The following SMAD6 variants were observed in gnomAD, a reference collection of about 807,000 sequenced individuals.
SMAD6 encodes SMAD family member 6.
Under a neutral mutation model 39.4 loss-of-function variants are expected in SMAD6, and 103 were observed. The observed-to-expected ratio is 2.62, with a 90% confidence interval of 2.23 to 3.08. SMAD6 has a LOEUF of 3.08. Ranked by LOEUF, SMAD6 falls within the 30% of genes most tolerant of loss-of-function variation. SMAD6 has a pLI of 0.00. For missense variants in SMAD6, 1,104 were observed against 742.9 expected (o/e 1.49, Z -5.65); for synonymous variants, 445 against 353.3 (o/e 1.26, Z -2.91).
intron 3 of SMAD6, among the ~76,000 whole-genome samples, chr15:66,769,027 G>A (rs1894336395): frequency 6.6e-6 from 1 of 152,208 alleles, no homozygotes; most frequent in Non-Finnish European, 1.5e-5. Flanking sequence ...GCTTTCCAAA[G>A]GAAGTGACAG....
chr15:66,720,648 G>C (rs1893416340), intron 3 of SMAD6, among the ~76,000 whole-genome samples: 1 of 152,184 alleles, frequency 6.6e-6, no homozygotes, highest in Non-Finnish European at 1.5e-5. Flanking sequence ...TTTCTCACTT[G>C]TAAAATGAGG....
At position 66,728,785 on chromosome 15, in the gene SMAD6, A is replaced by G. The variant is rs145549166; in HGVS notation, c.952+12287A>G. On this transcript the variant is annotated intron_variant, in intron 3 of 3. Coordinates refer to ENST00000288840, the MANE Select transcript of SMAD6 (RefSeq NM_005585.5). Reference sequence around the variant, plus strand: ...TTCTGTGGGAATGGACTGTGATTCTACTAGTCTAACATATCCATTCTATTA... The same window carrying G: ...TTCTGTGGGAATGGACTGTGATTCTGCTAGTCTAACATATCCATTCTATTA... Among the ~76,000 whole-genome samples the G allele has an allele frequency of 9.2e-5, 14 of 152,284 alleles. No individual in the cohort carries two copies. In the South Asian group the frequency reaches 1.0e-3, roughly 11 times the overall value.
Position 66,781,785 on chromosome 15 carries a change from C to G in SMAD6, c.*250C>G. 2 of 399,310 alleles carry G rather than the reference C, an allele frequency of 5.0e-6. 1 individual carries two copies. Among genetic ancestry groups the G allele is most frequent in the Non-Finnish European group, 8.8e-6 (2 of 226,422 alleles). The allele number at this position is 399,310 out of a possible 1,614,324, so 24.7% of individuals were successfully genotyped here. ...GTATATGGACAAAACAAGAAAGACG[C>G]ACTTTGGCTTATAATTCTTTCAATA... On this transcript the variant is annotated 3_prime_UTR_variant, in exon 4 of 4. Coordinates refer to ENST00000288840, the MANE Select transcript of SMAD6 (RefSeq NM_005585.5).
At chr15:66,774,964 C>T (rs540389157) in intron 3 of SMAD6, among the ~76,000 whole-genome samples, 8 of 152,126 alleles carry the variant, frequency 5.3e-5, no homozygotes, top group Non-Finnish European at 8.8e-5. Flanking sequence ...CGGGTTCTAG[C>T]GATTCTCTGC....
chr15:66,713,259 G>A (rs566115764), intron 2 of SMAD6, among the ~76,000 whole-genome samples: 8 of 152,324 alleles, frequency 5.3e-5, no homozygotes, highest in Admixed American at 3.9e-4. Flanking sequence ...AGTGGGTTTT[G>A]TTTGGTTTTT....
chr15:66,728,361 T>G (rs1345587235), intron 3 of SMAD6, among the ~76,000 whole-genome samples: 1 of 152,174 alleles, frequency 6.6e-6, no homozygotes, highest in Non-Finnish European at 1.5e-5. Flanking sequence ...GAATATAGCT[T>G]CTTTAACTCA....
chr15:66,742,077 C>T (rs1198141165), intron 3 of SMAD6, among the ~76,000 whole-genome samples: 1 of 152,192 alleles, frequency 6.6e-6, no homozygotes, highest in Non-Finnish European at 1.5e-5. Flanking sequence ...CCCCAGTGCC[C>T]CACACACTGT....
chr15:66,705,695 G>T (rs575796590), intron 1 of SMAD6: 1 of 152,450 alleles, frequency 6.6e-6, no homozygotes, highest in Non-Finnish European at 1.5e-5. Context: ...TGTGCTGGGT[G>T]CTGTGGCTAA....
At chr15:66,775,457 C>G (rs4072640) in intron 3 of SMAD6, among the ~76,000 whole-genome samples, 2 of 152,094 alleles carry the variant, frequency 1.3e-5, no homozygotes, top group African/African-American at 4.8e-5. Context: ...AACTAAATCA[C>G]GGAAATTTAG....
intron 3 of SMAD6, among the ~76,000 whole-genome samples, chr15:66,730,673 T>A (rs1893611618): frequency 6.6e-6 from 1 of 152,208 alleles, no homozygotes; most frequent in Non-Finnish European, 1.5e-5. Flanking sequence ...GTAATAACAG[T>A]GGCTAAAAGA....
rs1210534346 is a variant in SMAD6 at position 66,781,483 on chromosome 15, T to C, written c.1439T>C (p.Phe480Ser). The C allele has an allele frequency of 6.3e-7, 1 of 1,595,170 alleles. No homozygotes were observed. The highest frequency in any genetic ancestry group is 8.5e-7 in the Non-Finnish European group (1 of 1,172,850). The change falls in exon 4 of 4, where the codon TTC becomes TCC. Residue 480 changes from phenylalanine (F) to serine (S), a missense_variant. Coordinates refer to ENST00000288840, the MANE Select transcript of SMAD6 (RefSeq NM_005585.5). ...KGWGPCYSRQFITSCPCWLEI... is the reference protein window; with the variant it reads ...KGWGPCYSRQSITSCPCWLEI... ...TGGGGGCCCTGCTACTCCCGGCAGT[T>C]CATCACCTCCTGCCCCTGCTGGCTG...
intron 3 of SMAD6, among the ~76,000 whole-genome samples, chr15:66,734,079 C>T (rs1322984161): frequency 6.6e-6 from 1 of 152,214 alleles, no homozygotes; most frequent in African/African-American, 2.4e-5. Context: ...GGAGGCGACT[C>T]CACAGCCGGG....
intron 3 of SMAD6, among the ~76,000 whole-genome samples, chr15:66,771,668 C>A (rs1226652218): frequency 6.6e-6 from 1 of 152,136 alleles, no homozygotes; most frequent in African/African-American, 2.4e-5. Context: ...GGGATTCCTG[C>A]GCTGCACTCT....
intron 3 of SMAD6, among the ~76,000 whole-genome samples, chr15:66,765,875 T>C (rs1894279298): frequency 6.6e-6 from 1 of 152,176 alleles, no homozygotes; most frequent in African/African-American, 2.4e-5. Flanking sequence ...ACACTTGATG[T>C]AACTCAAAAG....
chr15:66,706,727 C>A (rs1326379582), intron 1 of SMAD6: 1 of 152,588 alleles, frequency 6.6e-6, no homozygotes, highest in Non-Finnish European at 1.5e-5. Flanking sequence ...CTGAGGGACT[C>A]CCACCTGGCA....
At chr15:66,720,236 C>CTT (rs35007669) in intron 3 of SMAD6, among the ~76,000 whole-genome samples, 8 of 145,084 alleles carry the variant, frequency 5.5e-5, no homozygotes, top group Non-Finnish European at 1.1e-4. Flanking sequence ...GGTAGGCAAA[C>CTT]TTTTTTTTTT....
intron 3 of SMAD6, among the ~76,000 whole-genome samples, chr15:66,736,570 C>G (rs1893715327): frequency 6.6e-6 from 1 of 152,154 alleles, no homozygotes; most frequent in South Asian, 2.1e-4. Context: ...CTATTAGGAT[C>G]ATTCGGACAG....
chr15:66,707,073 C>T (rs1364017131), intron 1 of SMAD6: 1 of 152,104 alleles, frequency 6.6e-6, no homozygotes, highest in Non-Finnish European at 1.5e-5. Context: ...CCTCCCAGCC[C>T]GTGGGAGTCA....
Position 66,704,258 on chromosome 15 carries a change from A to G in SMAD6, c.817+183A>G. 7.4e-6 allele frequency: 3 copies of G among 406,932 alleles called. No individual in the cohort carries two copies. In the South Asian group the frequency reaches 3.1e-4, roughly 42 times the overall value. The allele number at this position is 406,932 out of a possible 1,614,324, so 25.2% of individuals were successfully genotyped here. A position where few individuals can be genotyped will look rare whatever the true frequency, so the allele number is the denominator to read the frequency against. On this transcript the variant is annotated intron_variant, in intron 1 of 3. Transcript: ENST00000288840. Reference sequence around the variant, plus strand: ...GAGGGGAGTGGGTGTCCCAGCACACACATCAAGTGGCAACTTTATCTCAAG... The same window carrying G: ...GAGGGGAGTGGGTGTCCCAGCACACGCATCAAGTGGCAACTTTATCTCAAG...
Sources: allele counts gnomAD v4.1 joint callset (sites outside exome capture counted in the v4.1 genomes callset), GRCh38; gene constraint gnomAD v4.1.1; transcripts MANE v1.5; gene names NCBI Gene and HGNC (gene_info 2026-07-23, HGNC 2026-07-21).